The following CSMD1 variants were observed in gnomAD, a reference collection of about 807,000 sequenced individuals.
The protein encoded by CSMD1 is CUB and Sushi multiple domains 1, also known as CUB and sushi domain-containing protein 1.
CSMD1 carries 213 observed loss-of-function variants against 417.5 expected under a neutral mutation model. That is an observed-to-expected ratio of 0.51 (90% CI 0.46 to 0.57). The LOEUF (loss-of-function observed/expected upper bound fraction) is 0.57, where lower values mean the gene tolerates loss of function less well. Among genes scored for constraint, CSMD1 ranks in the 20% least tolerant of loss-of-function variants. CSMD1 has a pLI of 0.00. For synonymous variants in CSMD1, 2,862 were observed against 1,736.8 expected, an observed-to-expected ratio of 1.65 and a Z score of -16.11; for missense variants, 6,923 against 4,529.7, an observed-to-expected ratio of 1.53 and a Z score of -15.17.
chr8:3,286,979 C>T (rs977561600), intron 25 of CSMD1, among the ~76,000 whole-genome samples: 4 of 152,028 alleles, frequency 2.6e-5, no homozygotes, highest in Admixed American at 2.0e-4. Context: ...AGTCTTTAAT[C>T]CATCTTGAAT....
Position 3,833,420 on chromosome 8 carries a change from C to G in CSMD1, c.819-79378G>C, listed in dbSNP as rs568967713. ...CAACTCCTTTTATATTTTAATTTTG[C>G]CATATTTTATATCATAAATATGACA... On this transcript the variant is annotated intron_variant, in intron 5 of 69. Coordinates refer to ENST00000635120, the MANE Select transcript of CSMD1 (RefSeq NM_033225.6). Among the ~76,000 whole-genome samples the G allele has an allele frequency of 3.3e-5, 5 of 151,956 alleles. No homozygotes were observed. The East Asian group carries it at 9.6e-4, about 29-fold the overall frequency.
intron 1 of CSMD1, among the ~76,000 whole-genome samples, chr8:4,707,782 G>A (rs1009431262): frequency 7.9e-5 from 12 of 151,662 alleles, no homozygotes; most frequent in East Asian, 1.9e-4. Flanking sequence ...AGCTACTCGG[G>A]AGGCTGAAGC....
chr8:3,779,505 A>C (rs898280159), intron 5 of CSMD1, among the ~76,000 whole-genome samples: 1 of 152,190 alleles, frequency 6.6e-6, no homozygotes, highest in African/African-American at 2.4e-5. Context: ...ATTTCATCAA[A>C]TATGTGATGG....
intron 8 of CSMD1, among the ~76,000 whole-genome samples, chr8:3,588,981 C>T (rs943567861): frequency 1.3e-5 from 2 of 152,112 alleles, no homozygotes; most frequent in Non-Finnish European, 2.9e-5. Flanking sequence ...TGGAAAGGTG[C>T]TCCGTGTCAC....
chr8:4,532,015 C>G (rs962026024), intron 2 of CSMD1, among the ~76,000 whole-genome samples: 5 of 144,542 alleles, frequency 3.5e-5, no homozygotes, highest in African/African-American at 1.3e-4. Context: ...TCAGTCACTC[C>G]GGAAGAGAAA....
chr8:3,743,805 C>T (rs907369954), intron 6 of CSMD1, among the ~76,000 whole-genome samples: 6 of 152,152 alleles, frequency 3.9e-5, no homozygotes, highest in Admixed American at 3.9e-4. Context: ...GCCGTCACTC[C>T]CTTGCCCACC....
In CSMD1 at chr8:4,781,327, G is replaced by T. The variant is rs184070075; in HGVS notation, c.86-143769C>A. Among the ~76,000 whole-genome samples, 19 of 152,230 alleles carry T rather than the reference G, an allele frequency of 1.2e-4. No individual in the cohort carries two copies. In the East Asian group the frequency reaches 3.7e-3, roughly 29 times the overall value. ...ACACAAAACACACGGGGTCACACTT[G>T]GTTTACAACCACGCATGAAACAAGA... is the stretch of plus-strand genomic sequence containing the variant. On this transcript the variant is annotated intron_variant, in intron 1 of 69. Transcript: ENST00000635120.
chr8:4,005,635 T>C (rs1816051966), intron 4 of CSMD1, among the ~76,000 whole-genome samples: 1 of 152,232 alleles, frequency 6.6e-6, no homozygotes, highest in Non-Finnish European at 1.5e-5. Context: ...TGAGAGAACA[T>C]AGGGTGTCTC....
chr8:4,224,716 T>C (rs1404743955), intron 3 of CSMD1, among the ~76,000 whole-genome samples: 1 of 152,228 alleles, frequency 6.6e-6, no homozygotes, highest in East Asian at 1.9e-4. Flanking sequence ...ATATAGCTTC[T>C]TTTTTCCTCC....
Position 3,323,932 on chromosome 8 carries a change from A to AC in CSMD1, c.3632-15430dup, listed in dbSNP as rs5888962. 5.6e-4 allele frequency among the ~76,000 whole-genome samples: 53 copies of AC among 94,100 alleles called. 4 individuals are homozygous for AC. The highest frequency in any genetic ancestry group is 1.9e-3 in the Admixed American group (15 of 7,736). The allele number at this position is 94,100 out of a possible 152,430, so 61.7% of individuals were successfully genotyped here. A position where few individuals can be genotyped will look rare whatever the true frequency, so the allele number is the denominator to read the frequency against. On this transcript the variant is annotated intron_variant, in intron 23 of 69. Coordinates refer to ENST00000635120, the MANE Select transcript of CSMD1 (RefSeq NM_033225.6). ...CATTGTTAAAATAGACACACATCTA[A>AC]CCCCAGAGACCCAGGAGGGGGAGTT... is the stretch of plus-strand genomic sequence containing the variant.
intron 23 of CSMD1, among the ~76,000 whole-genome samples, chr8:3,320,146 C>T (rs1386147741): frequency 1.3e-5 from 2 of 152,172 alleles, no homozygotes; most frequent in Admixed American, 1.3e-4. Flanking sequence ...TGTGCTGTCC[C>T]ATATAATCCT....
intron 3 of CSMD1, among the ~76,000 whole-genome samples, chr8:4,149,774 G>C (rs957532852): frequency 1.3e-5 from 2 of 152,154 alleles, no homozygotes; most frequent in African/African-American, 2.4e-5. Flanking sequence ...TGGATGTGTC[G>C]TAGTTGCTTC....
chr8:4,896,716 T>G (rs576585708), intron 1 of CSMD1, among the ~76,000 whole-genome samples: 3 of 152,118 alleles, frequency 2.0e-5, no homozygotes, highest in Admixed American at 2.0e-4. Context: ...TTCAAGCTTG[T>G]GATGATGGTG....
chr8:3,780,831 T>G (rs1584987592), intron 5 of CSMD1, among the ~76,000 whole-genome samples: 1 of 152,330 alleles, frequency 6.6e-6, no homozygotes, highest in East Asian at 1.9e-4. Flanking sequence ...CATAGAACAA[T>G]TTCCTCAATA....
At position 3,522,512 on chromosome 8, in the gene CSMD1, T is replaced by G. The variant is rs146924993; in HGVS notation, c.1345-28786A>C. On this transcript the variant is annotated intron_variant, in intron 10 of 69. Coordinates refer to ENST00000635120, the MANE Select transcript of CSMD1 (RefSeq NM_033225.6). The stretch of plus-strand genomic sequence containing the variant: ...TACAAAATATTTTGTGAGTTTTGTT[T>G]ACTGGAACATTGGTAGCCCCCTGAG... Among the ~76,000 whole-genome samples, 522 of 152,346 alleles carry G rather than the reference T, an allele frequency of 3.4e-3. 2 individuals carry two copies. Among genetic ancestry groups the G allele is most frequent in the Admixed American group, 9.6e-3 (147 of 15,296 alleles).
At chr8:4,246,369 G>A (rs945279216) in intron 3 of CSMD1, among the ~76,000 whole-genome samples, 3 of 152,130 alleles carry the variant, frequency 2.0e-5, no homozygotes, top group Admixed American at 1.3e-4. Context: ...TAGAAGAGTA[G>A]TTCTTGATAA....
chr8:4,492,634 G>A (rs185251940), intron 2 of CSMD1, among the ~76,000 whole-genome samples: 29 of 152,190 alleles, frequency 1.9e-4, no homozygotes, highest in African/African-American at 4.1e-4. Flanking sequence ...CACTAGTGCC[G>A]CCTTTGGATT....
At chr8:4,704,428 G>C (rs2116833501) in intron 1 of CSMD1, among the ~76,000 whole-genome samples, 1 of 152,298 alleles carries the variant, frequency 6.6e-6, no homozygotes, top group Non-Finnish European at 1.5e-5. Context: ...GTGTCTGGCA[G>C]AGACTAGGAT....
intron 10 of CSMD1, among the ~76,000 whole-genome samples, chr8:3,543,740 G>C (rs988918705): frequency 6.6e-6 from 1 of 152,180 alleles, no homozygotes; most frequent in Non-Finnish European, 1.5e-5. Flanking sequence ...CTGTGTTTGA[G>C]ATGTCTGTTG....
Sources: allele counts gnomAD v4.1 joint callset (sites outside exome capture counted in the v4.1 genomes callset), GRCh38; gene constraint gnomAD v4.1.1; transcripts MANE v1.5; gene names NCBI Gene and HGNC (gene_info 2026-07-23, HGNC 2026-07-21).